The following LYRM4 variants were observed in gnomAD, a reference collection of about 807,000 sequenced individuals.
LYRM4 encodes LYR motif containing 4.
LYRM4 carries 9 observed loss-of-function variants against 11.7 expected under a neutral mutation model. The observed-to-expected ratio is 0.77, with a 90% CI of 0.46 to 1.34. The LOEUF (loss-of-function observed/expected upper bound fraction) is 1.34, where lower values mean the gene tolerates loss of function less well. Among genes scored for constraint, LYRM4 ranks in the 40% most tolerant of loss-of-function variants. The pLI, the probability that LYRM4 is intolerant of heterozygous loss-of-function variation, is 0.00. For missense variants in LYRM4, 133 were observed against 112.5 expected (o/e 1.18, Z -0.82); for synonymous variants, 42 against 40.4 (o/e 1.04, Z -0.15).
the LYRM4 span, among the ~76,000 whole-genome samples, chr6:5,049,854 G>A: frequency 6.6e-6 from 1 of 152,202 alleles, no homozygotes; most frequent in Admixed American, 6.5e-5. Flanking sequence ...ATTTTTAGTA[G>A]AGACGGGGTT....
At chr6:5,255,874 A>G (rs1764640820) in intron 1 of LYRM4, among the ~76,000 whole-genome samples, 1 of 152,208 alleles carries the variant, frequency 6.6e-6, no homozygotes, top group African/African-American at 2.4e-5. Context: ...TCACCCCAGG[A>G]TGAGAACTAC....
intron 2 of LYRM4, among the ~76,000 whole-genome samples, chr6:5,133,742 C>T (rs1764062143): frequency 6.6e-6 from 1 of 152,184 alleles, no homozygotes; most frequent in Admixed American, 6.5e-5. Flanking sequence ...CAAAAGGAAA[C>T]CCCATACTCA....
intron 2 of LYRM4, among the ~76,000 whole-genome samples, chr6:5,152,617 C>T (rs922988628): frequency 2.0e-5 from 3 of 152,206 alleles, no homozygotes; most frequent in Non-Finnish European, 4.4e-5. Context: ...CTGTTGTACA[C>T]GCTTCCTCCC....
At chr6:5,188,031 GT>G (rs1407360385) in intron 2 of LYRM4, among the ~76,000 whole-genome samples, 1 of 152,170 alleles carries the variant, frequency 6.6e-6, no homozygotes, top group East Asian at 1.9e-4. Context: ...TGCCTTTGAA[GT>G]TTTTTGTCTA....
At chr6:5,208,724 AG>A (rs1375756300) in intron 2 of LYRM4, among the ~76,000 whole-genome samples, 2 of 152,214 alleles carry the variant, frequency 1.3e-5, no homozygotes, top group African/African-American at 2.4e-5. Context: ...CCCAGACTCG[AG>A]GATTTACTGG....
the LYRM4 span, chr6:5,086,406 C>A: frequency 1.3e-6 from 2 of 1,536,304 alleles, no homozygotes; most frequent in East Asian, 2.4e-5. Context: ...TGTGCCTGCC[C>A]CCGGGCCTGC....
At chr6:5,245,813 G>A (rs1386499635) in intron 1 of LYRM4, among the ~76,000 whole-genome samples, 2 of 152,212 alleles carry the variant, frequency 1.3e-5, no homozygotes, top group African/African-American at 4.8e-5. Flanking sequence ...CCAGGCGAGT[G>A]AGTGCAGAAG....
At chr6:5,119,818 AAAC>A (rs1561809311) in intron 2 of LYRM4, among the ~76,000 whole-genome samples, 10 of 151,404 alleles carry the variant, frequency 6.6e-5, no homozygotes, top group African/African-American at 1.9e-4. Context: ...AAAAAAAAAA[AAAC>A]AACCACAAAA....
intron 2 of LYRM4, among the ~76,000 whole-genome samples, chr6:5,155,605 G>A (rs939971761): frequency 6.6e-6 from 1 of 152,150 alleles, no homozygotes; most frequent in East Asian, 1.9e-4. Flanking sequence ...AGGATGATAC[G>A]TTGCTGAACC....
intron 2 of LYRM4, among the ~76,000 whole-genome samples, chr6:5,115,175 A>G (rs1441351967): frequency 1.3e-5 from 2 of 152,214 alleles, no homozygotes; most frequent in African/African-American, 2.4e-5. Context: ...TCTTATATAT[A>G]ACCTTTTATT....
chr6:5,199,683 A>T (rs1761274835), intron 2 of LYRM4, among the ~76,000 whole-genome samples: 1 of 152,236 alleles, frequency 6.6e-6, no homozygotes, highest in South Asian at 2.1e-4. Context: ...AATTTTTCTC[A>T]AATTGCCAGG....
chr6:5,126,511 G>T (rs1384958637), intron 2 of LYRM4, among the ~76,000 whole-genome samples: 1 of 152,148 alleles, frequency 6.6e-6, no homozygotes, highest in Non-Finnish European at 1.5e-5. Flanking sequence ...GAAAACATAC[G>T]CCTCAGAAAC....
chr6:5,218,375 TG>T (rs1485323472), intron 1 of LYRM4: 1 of 984,994 alleles, frequency 1.0e-6, no homozygotes, highest in Non-Finnish European at 1.2e-6. Flanking sequence ...GAGGGGGTGT[TG>T]GGAGCTCATA....
At chr6:5,172,425 T>C (rs990705225) in intron 2 of LYRM4, among the ~76,000 whole-genome samples, 2 of 152,124 alleles carry the variant, frequency 1.3e-5, no homozygotes, top group African/African-American at 4.8e-5. Context: ...ATGACCACAG[T>C]TTCACGAGCA....
intron 1 of LYRM4, among the ~76,000 whole-genome samples, chr6:5,253,161 T>G (rs1469993655): frequency 2.0e-5 from 3 of 152,238 alleles, no homozygotes; most frequent in Non-Finnish European, 4.4e-5. Context: ...AAATATCTGA[T>G]GAAGAATTAG....
chr6:5,200,247 T>C (rs564186347), intron 2 of LYRM4, among the ~76,000 whole-genome samples: 2 of 152,316 alleles, frequency 1.3e-5, no homozygotes, highest in East Asian at 3.9e-4. Flanking sequence ...AACCCTTAGC[T>C]GCACTAGAAA....
At chr6:5,128,670 T>C (rs1581333731) in intron 2 of LYRM4, among the ~76,000 whole-genome samples, 1 of 152,250 alleles carries the variant, frequency 6.6e-6, no homozygotes, top group African/African-American at 2.4e-5. Context: ...TTTGTGAACA[T>C]GTCTCTTGAA....
At chr6:5,127,271 G>A (rs116776232) in intron 2 of LYRM4, among the ~76,000 whole-genome samples, 6,002 of 152,020 alleles carry the variant, frequency 0.039, 217 homozygotes, top group Non-Finnish European at 0.055. Flanking sequence ...TTTTTGTTGA[G>A]ACAGGGTTTC....
chr6:5,223,590 C>T (rs1762712507), intron 1 of LYRM4, among the ~76,000 whole-genome samples: 1 of 152,184 alleles, frequency 6.6e-6, no homozygotes, highest in African/African-American at 2.4e-5. Context: ...TCTCTGGCAT[C>T]ACAAAGCTTA....
Sources: allele counts gnomAD v4.1 joint callset (sites outside exome capture counted in the v4.1 genomes callset), GRCh38; gene constraint gnomAD v4.1.1; transcripts MANE v1.5; gene names NCBI Gene and HGNC (gene_info 2026-07-23, HGNC 2026-07-21).